The following RELN variants were observed in gnomAD, a reference collection of about 807,000 sequenced individuals.
RELN encodes the protein reelin.
A neutral mutation model predicts 427.6 loss-of-function variants in RELN; 108 were observed. That is an observed-to-expected ratio of 0.25 (90% confidence interval 0.22 to 0.30). The LOEUF (loss-of-function observed/expected upper bound fraction) is 0.30. Among genes scored for constraint, RELN ranks in the 10% least tolerant of loss-of-function variants. The probability of loss-of-function intolerance (pLI) is 1.00; values close to 1 mark genes in which losing one functional copy is unlikely to be tolerated. For synonymous variants in RELN, 1,524 were observed against 1,513.4 expected (o/e 1.01, Z -0.16); for missense variants, 3,715 against 4,302.8 (o/e 0.86, Z 3.82).
intron 2 of RELN, among the ~76,000 whole-genome samples, chr7:103,864,032 C>G (rs1038697018): frequency 6.6e-6 from 1 of 152,040 alleles, no homozygotes; most frequent in African/African-American, 2.4e-5. Context: ...CTCAGACAAA[C>G]TGAAGGAACA....
At chr7:103,677,708 G>A (rs1380839881) in intron 11 of RELN, among the ~76,000 whole-genome samples, 1 of 128,258 alleles carries the variant, frequency 7.8e-6, no homozygotes, top group Non-Finnish European at 1.6e-5. Flanking sequence ...GGAGGTTGCA[G>A]TAAGCTGATA....
chr7:103,542,750 G>A lies in RELN; in HGVS notation c.6652C>T (p.Leu2218=). Residue 2218 remains leucine (L), a synonymous_variant, in exon 43 of 65, where the codon CTG becomes TTG. Coordinates refer to ENST00000428762, the MANE Select transcript of RELN (RefSeq NM_005045.4). ...DGLRMLMTRD[L]DLSHARFVQF... is the part of the protein sequence containing the mutation. The stretch of plus-strand genomic sequence containing the variant: ...GATTACCTAGCATGTGATAAATCCA[G>A]GTCTCGTGTCATCAACATGCGCAAG... 1 of 1,613,998 alleles carries A rather than the reference G, an allele frequency of 6.2e-7. No homozygotes were observed. The highest frequency in any genetic ancestry group is 8.5e-7 in the Non-Finnish European group (1 of 1,179,970).
chr7:103,697,756 TA>T, intron 10 of RELN, 96 bp downstream of exon 10: 1 of 1,560,892 alleles, frequency 6.4e-7, no homozygotes, highest in Non-Finnish European at 8.7e-7. Flanking sequence ...GTGGTTTTGG[TA>T]AAATAGCTAT....
chr7:103,697,922 G>A lies in RELN; in HGVS notation c.1074C>T (p.Val358=). Residue 358 remains valine, a synonymous_variant, in exon 10 of 65, where the codon GTC becomes GTT. Coordinates refer to ENST00000428762, the MANE Select transcript of RELN (RefSeq NM_005045.4). ...ILIINSAHRQ[V]VLEDSLDPVD... is the part of the protein sequence containing the mutation. ...CTGGGTCGAGACTATCTTCTAAAAC[G>A]ACTTGTCTGTGAGCTGAATTGATGA... is the stretch of plus-strand genomic sequence containing the variant. 1 of 1,613,690 alleles carries A rather than the reference G, an allele frequency of 6.2e-7. No individual in the cohort carries two copies. Among genetic ancestry groups the A allele is most frequent in the Non-Finnish European group, 8.5e-7 (1 of 1,179,800 alleles).
chr7:103,495,585 G>T, intron 57 of RELN, 138 bp downstream of exon 57: 1 of 816,336 alleles, frequency 1.2e-6, no homozygotes, highest in Non-Finnish European at 2.0e-6. Context: ...TGCAAAAGAT[G>T]ACCTCTTTTA....
chr7:103,587,059 G>A (rs1831290026), intron 28 of RELN, among the ~76,000 whole-genome samples: 2 of 152,028 alleles, frequency 1.3e-5, no homozygotes, highest in Admixed American at 1.3e-4. Context: ...AATCAAAAAG[G>A]AGTCTGAAGA....
intron 19 of RELN, among the ~76,000 whole-genome samples, chr7:103,633,725 T>C (rs1286859638): frequency 6.6e-6 from 1 of 152,142 alleles, no homozygotes; most frequent in African/African-American, 2.4e-5. Flanking sequence ...ATGATATAGA[T>C]TGATTACTGA....
At position 103,947,027 on chromosome 7, in the gene RELN, T is replaced by A. The variant is rs778285455; in HGVS notation, c.227-29842A>T. On this transcript the variant is annotated intron_variant, in intron 1 of 64. Coordinates refer to ENST00000428762, the MANE Select transcript of RELN (RefSeq NM_005045.4). ...TTCTAAACACTAGCTGTGGAAATAATAGGATAATATCCCCCCAAATGAATT... is the reference window on the plus strand; with the variant it reads ...TTCTAAACACTAGCTGTGGAAATAAAAGGATAATATCCCCCCAAATGAATT... Among the ~76,000 whole-genome samples the A allele has an allele frequency of 3.5e-4, 54 of 152,310 alleles. 1 individual carries two copies. The highest frequency in any genetic ancestry group is 6.9e-4 in the Non-Finnish European group (47 of 68,002).
chr7:103,575,576 T>C lies in RELN; in HGVS notation c.4275A>G (p.Gly1425=), dbSNP rs141617635. 4.1e-4 allele frequency: 654 copies of C among 1,613,960 alleles called. 1 individual carries two copies. Among genetic ancestry groups the C allele is most frequent in the Non-Finnish European group, 5.3e-4 (631 of 1,179,990 alleles). Residue 1425 remains glycine (G), a synonymous_variant, in exon 29 of 65, where the codon GGA becomes GGG. Coordinates refer to ENST00000428762, the MANE Select transcript of RELN (RefSeq NM_005045.4). ...YCSGHGDCIS[G]VCFCDLGYTA... The stretch of plus-strand genomic sequence containing the variant: ...TATATCCCAGGTCACAGAAACACAC[T>C]CCTGAAATGCAGTCCCCATGGCCAC...
intron 3 of RELN, among the ~76,000 whole-genome samples, chr7:103,804,606 T>C (rs1792551560): frequency 1.3e-5 from 2 of 152,160 alleles, no homozygotes; most frequent in African/African-American, 4.8e-5. Flanking sequence ...AATCTGATTC[T>C]GCACTGGCTG....
chr7:103,796,956 T>C (rs1348411521), intron 3 of RELN, among the ~76,000 whole-genome samples: 2 of 151,488 alleles, frequency 1.3e-5, no homozygotes, highest in African/African-American at 4.9e-5. Context: ...ACCATCCTTA[T>C]ATACTTCTGT....
At chr7:103,896,416 A>C (rs1794961703) in intron 2 of RELN, among the ~76,000 whole-genome samples, 1 of 152,102 alleles carries the variant, frequency 6.6e-6, no homozygotes, top group Admixed American at 6.6e-5. Flanking sequence ...TCAGGTGTCC[A>C]ATAGCAGGAG....
intron 20 of RELN, among the ~76,000 whole-genome samples, chr7:103,612,495 G>A (rs1333426108): frequency 3.9e-5 from 6 of 151,936 alleles, no homozygotes; most frequent in South Asian, 2.1e-4. Context: ...GGGTGGTCTC[G>A]AACTCCCGAC....
chr7:103,979,287 A>G (rs1184370817), intron 1 of RELN, among the ~76,000 whole-genome samples: 2 of 152,184 alleles, frequency 1.3e-5, no homozygotes, highest in Admixed American at 1.3e-4. Context: ...AAACATTCCT[A>G]TACTACCGGA....
chr7:103,512,520 G>A (rs1245809797), intron 50 of RELN, among the ~76,000 whole-genome samples: 2 of 152,136 alleles, frequency 1.3e-5, no homozygotes, highest in African/African-American at 4.8e-5. Flanking sequence ...AGATACTACT[G>A]AAGAAATAGA....
intron 19 of RELN, among the ~76,000 whole-genome samples, chr7:103,631,275 T>C (rs1192202675): frequency 7.2e-6 from 1 of 139,038 alleles, no homozygotes; most frequent in South Asian, 2.3e-4. Flanking sequence ...AATAAAACTT[T>C]AAAAACACTT....
rs185392795 is a variant in RELN at position 103,817,791 on chromosome 7, C to G, written c.473+15746G>C. On this transcript the variant is annotated intron_variant, in intron 3 of 64. Transcript: ENST00000428762. ...TGAAACCTCGTTTCTACTAAAAATA[C>G]AAAACTAGCGAGGCGTGGTGGTGCG... is the stretch of plus-strand genomic sequence containing the variant. Among the ~76,000 whole-genome samples the G allele has an allele frequency of 2.9e-3, 446 of 151,470 alleles. 3 individuals are homozygous for G. Among genetic ancestry groups the G allele is most frequent in the African/African-American group, 0.01 (432 of 41,304 alleles).
At position 103,640,445 on chromosome 7, in the gene RELN, TC is replaced by T; in HGVS notation, c.2069+97del. On this transcript the variant is annotated intron_variant, in intron 17 of 64. Coordinates refer to ENST00000428762, the MANE Select transcript of RELN (RefSeq NM_005045.4). The surrounding 1 kb of genome is among the most constrained non-coding windows in gnomAD (Gnocchi z 4.1). The stretch of plus-strand genomic sequence containing the variant: ...TATCCAACTTTTTGTCTTAAAAAGA[TC>T]CCCGATCCTAAAAAAGGTTATTAAA... 2 of 1,203,426 alleles carry T rather than the reference TC, an allele frequency of 1.7e-6. No homozygotes were observed. Among genetic ancestry groups the T allele is most frequent in the Non-Finnish European group, 2.5e-6 (2 of 815,308 alleles). 74.5% of individuals were successfully genotyped at this position (1,203,426 alleles called of 1,614,324 possible).
chr7:103,747,271 G>A (rs1005329563), intron 6 of RELN, among the ~76,000 whole-genome samples: 9 of 138,344 alleles, frequency 6.5e-5, no homozygotes, highest in African/African-American at 5.5e-5. Flanking sequence ...TGTGGGGTGC[G>A]GGGAGGGGAG....
Sources: allele counts gnomAD v4.1 joint callset (sites outside exome capture counted in the v4.1 genomes callset), GRCh38; gene constraint gnomAD v4.1.1; non-coding constraint Gnocchi (gnomAD v3.1); transcripts MANE v1.5; gene names NCBI Gene and HGNC (gene_info 2026-07-23, HGNC 2026-07-21).